Variants in HMGCS2 observed in about 807,000 individuals in gnomAD.
HMGCS2 encodes 3-hydroxy-3-methylglutaryl-CoA synthase 2, also known as hydroxymethylglutaryl-CoA synthase, mitochondrial.
Under a neutral mutation model 57.4 loss-of-function variants are expected in HMGCS2, and 50 were observed. That is an observed-to-expected ratio of 0.87 (90% CI 0.69 to 1.10). The LOEUF (loss-of-function observed/expected upper bound fraction) is 1.10. Among genes scored for constraint, HMGCS2 ranks in the 50% least tolerant of loss-of-function variants. The pLI is 0.00. For synonymous variants in HMGCS2, 254 were observed against 245.1 expected, an observed-to-expected ratio of 1.04 and a Z score of -0.34; for missense variants, 627 against 636.5, an observed-to-expected ratio of 0.99 and a Z score of 0.16.
At chr1:119,760,043 G>A (rs587623248) in intron 2 of HMGCS2, 54 bp from the exon 3 acceptor site, 1 of 1,514,948 alleles carries the variant, frequency 6.6e-7, no homozygotes, top group South Asian at 1.1e-5. Flanking sequence ...AGAGTAGACT[G>A]AGTGCCTACT....
rs1209976880 is a variant in HMGCS2, at chr1:119,748,271, G to C, written c.*576C>G. ...AATAGAATGGAATTGCAAGGGGACA[G>C]AGGCAGCCTGTGAGGCAAGGACCCA... On this transcript the variant is annotated 3_prime_UTR_variant, in exon 10 of 10. Coordinates refer to ENST00000369406, the MANE Select transcript of HMGCS2 (RefSeq NM_005518.4). The C allele has an allele frequency of 6.6e-6, 1 of 152,250 alleles. No individual in the cohort carries two copies. Among genetic ancestry groups the C allele is most frequent in the East Asian group, 1.9e-4 (1 of 5,198 alleles). The allele number at this position is 152,250 out of a possible 1,614,324, so 9.4% of individuals were successfully genotyped here.
chr1:119,755,853 C>T (rs1032465522), intron 5 of HMGCS2, among the ~76,000 whole-genome samples: 9 of 151,562 alleles, frequency 5.9e-5, no homozygotes, highest in African/African-American at 2.2e-4. Context: ...GAAAATCATG[C>T]TATGTGTTGT....
intron 9 of HMGCS2, among the ~76,000 whole-genome samples, chr1:119,750,197 C>T (rs767510236): frequency 3.3e-5 from 5 of 152,192 alleles, no homozygotes; most frequent in Admixed American, 6.5e-5. Context: ...AATCTTCAAC[C>T]GCCCCATTCC....
chr1:119,749,895 ACTCT>A (rs1445102624), intron 9 of HMGCS2, among the ~76,000 whole-genome samples: 15 of 151,808 alleles, frequency 9.9e-5, no homozygotes, highest in African/African-American at 3.1e-4. Context: ...ATCTCTTCTC[ACTCT>A]ATCATTCTGC....
intron 6 of HMGCS2, among the ~76,000 whole-genome samples, chr1:119,753,945 C>T (rs1239264211): frequency 6.6e-6 from 1 of 151,526 alleles, no homozygotes; most frequent in Non-Finnish European, 1.5e-5. Flanking sequence ...AATGCAGTGG[C>T]GTGATCATGG....
rs776399237 is a variant in HMGCS2, at chr1:119,750,849, G to A, written c.1480C>T (p.Arg494Ter). Reference sequence around the variant, plus strand: ...TTTCGGCGATGCTGCTCGTCCACTCGCTCCAGGTACCAAGTACCTGGGAAA... The same window carrying A: ...TTTCGGCGATGCTGCTCGTCCACTCACTCCAGGTACCAAGTACCTGGGAAA... ...SLFPGTWYLE[R>*]VDEQHRRKYA... Residue 494 changes from arginine (R) to a stop codon, truncating the protein, a stop_gained, in exon 9 of 10, where the codon CGA (arginine) becomes TGA (stop). Coordinates refer to ENST00000369406, the MANE Select transcript of HMGCS2 (RefSeq NM_005518.4). LOFTEE classifies it high-confidence loss of function. The A allele has an allele frequency of 6.2e-6, 10 of 1,613,842 alleles. No homozygotes were observed. In the African/African-American group the frequency reaches 6.7e-5, roughly 11 times the overall value.
chr1:119,764,855 C>T (rs587607351), intron 1 of HMGCS2, among the ~76,000 whole-genome samples: 19 of 152,220 alleles, frequency 1.2e-4, no homozygotes, highest in Non-Finnish European at 2.1e-4. Context: ...CCTTTCCTGA[C>T]GTCGATATAG....
At chr1:119,767,204 C>A (rs1210662292) in intron 1 of HMGCS2, among the ~76,000 whole-genome samples, 1 of 152,190 alleles carries the variant, frequency 6.6e-6, no homozygotes, top group Non-Finnish European at 1.5e-5. Flanking sequence ...TATAACCCAA[C>A]TTCAAGGCAG....
intron 2 of HMGCS2, among the ~76,000 whole-genome samples, chr1:119,762,010 C>CT (rs1363769350): frequency 2.0e-5 from 3 of 152,162 alleles, no homozygotes; most frequent in Non-Finnish European, 4.4e-5. Flanking sequence ...TCAACCTATC[C>CT]TGATATTCCA....
Position 119,752,444 on chromosome 1 carries a change from A to G in HMGCS2, c.1420+105T>C, listed in dbSNP as rs1224366735. Reference sequence around the variant, plus strand: ...AATCTTCTCCCAACCATATCTCGTAAAAGTCTTGACCCTGGACTACTAAAT... The same window carrying G: ...AATCTTCTCCCAACCATATCTCGTAGAAGTCTTGACCCTGGACTACTAAAT... On this transcript the variant is annotated intron_variant, in intron 8 of 9. Coordinates refer to ENST00000369406, the MANE Select transcript of HMGCS2 (RefSeq NM_005518.4). 4 of 1,265,522 alleles carry G rather than the reference A, an allele frequency of 3.2e-6. No homozygotes were observed. The South Asian group carries it at 3.6e-5, about 11-fold the overall frequency. 78.4% of individuals were successfully genotyped at this position (1,265,522 alleles called of 1,614,324 possible).
At chr1:119,756,276 C>T (rs978204388) in intron 5 of HMGCS2, among the ~76,000 whole-genome samples, 6 of 152,118 alleles carry the variant, frequency 3.9e-5, no homozygotes, top group African/African-American at 1.4e-4. Flanking sequence ...AAAATGTGAT[C>T]ATATACATGT....
intron 8 of HMGCS2, among the ~76,000 whole-genome samples, chr1:119,752,008 TTTGTTTTTA>T (rs1181559676): frequency 6.6e-6 from 1 of 152,198 alleles, no homozygotes; most frequent in Non-Finnish European, 1.5e-5. Flanking sequence ...TATTTTGTTT[TTTGTTTTTA>T]TGTTTGGTGG....
intron 1 of HMGCS2, among the ~76,000 whole-genome samples, chr1:119,766,397 G>A (rs1413221180): frequency 6.6e-6 from 1 of 152,152 alleles, no homozygotes; most frequent in East Asian, 1.9e-4. Context: ...GATTGAATGT[G>A]TCTATCAATC....
chr1:119,759,378 T>C (rs1232215023), intron 3 of HMGCS2, 96 bp from the exon 4 acceptor site: 1 of 1,241,950 alleles, frequency 8.1e-7, no homozygotes, highest in African/African-American at 1.5e-5. Context: ...TTCTGGTCAT[T>C]ATCTGTGTCC....
intron 2 of HMGCS2, among the ~76,000 whole-genome samples, chr1:119,762,584 T>C (rs1053942201): frequency 6.6e-6 from 1 of 152,164 alleles, no homozygotes; most frequent in Non-Finnish European, 1.5e-5. Context: ...CCCTCCCACC[T>C]GAGGGTCCCC....
intron 1 of HMGCS2, among the ~76,000 whole-genome samples, chr1:119,767,162 C>T (rs746124059): frequency 4.9e-4 from 74 of 152,110 alleles, no homozygotes; most frequent in Non-Finnish European, 9.7e-4. Flanking sequence ...CTTGAGACCT[C>T]CTTGACCAGT....
intron 9 of HMGCS2, among the ~76,000 whole-genome samples, chr1:119,749,852 T>C (rs1652592536): frequency 6.6e-6 from 1 of 152,232 alleles, no homozygotes; most frequent in Admixed American, 6.5e-5. Flanking sequence ...GCATGGAGAC[T>C]GCACTAATTA....
chr1:119,750,842 T>C lies in HMGCS2; in HGVS notation c.1487A>G (p.Asp496Gly). The change falls in exon 9 of 10, where the codon GAC becomes GGC. Residue 496 changes from aspartate to glycine, a missense_variant. Physicochemically the swap from Asp to Gly is moderately conservative, Grantham distance 94. Coordinates refer to ENST00000369406, the MANE Select transcript of HMGCS2 (RefSeq NM_005518.4). ...FPGTWYLERV[D>G]EQHRRKYARR... ...GGCATACTTTCGGCGATGCTGCTCG[T>C]CCACTCGCTCCAGGTACCAAGTACC... 1 of 1,614,068 alleles carries C rather than the reference T, an allele frequency of 6.2e-7. No homozygotes were observed. The highest frequency in any genetic ancestry group is 8.5e-7 in the Non-Finnish European group (1 of 1,179,970).
intron 8 of HMGCS2, 47 bp from the exon 9 acceptor site, chr1:119,750,955 T>C (rs746484556): frequency 2.6e-6 from 3 of 1,162,718 alleles, no homozygotes; most frequent in Non-Finnish European, 3.9e-6. Context: ...GTTATATGAG[T>C]TTTTGGAAGA....
Sources: gnomAD v4.1 joint callset for allele counts (sites outside exome capture counted in the v4.1 genomes callset) on GRCh38, gnomAD v4.1.1 for gene constraint, MANE v1.5 for transcripts, NCBI Gene and HGNC (gene_info 2026-07-23, HGNC 2026-07-21) for gene names.